DCDC1: variants seen among roughly 807,000 people sequenced by gnomAD.
DCDC1 encodes the protein doublecortin domain containing 1.
In DCDC1, 200 loss-of-function variants were observed where a neutral mutation model predicts 178.3. The observed-to-expected ratio is 1.12, with a 90% CI of 1.00 to 1.26. The LOEUF (loss-of-function observed/expected upper bound fraction) is 1.26, where lower values mean the gene tolerates loss of function less well. Ranked by LOEUF, DCDC1 falls within the 50% of genes most tolerant of loss-of-function variation. The probability of loss-of-function intolerance (pLI) is 0.00; values close to 1 mark genes in which losing one functional copy is unlikely to be tolerated. For missense variants in DCDC1, 1,983 were observed against 1,749.2 expected (o/e 1.13, Z -2.38); for synonymous variants, 690 against 604.8 (o/e 1.14, Z -2.07).
At chr11:31,154,051 G>T (rs1352094973) in intron 9 of DCDC1, among the ~76,000 whole-genome samples, 1 of 152,140 alleles carries the variant, frequency 6.6e-6, no homozygotes, top group African/African-American at 2.4e-5. Flanking sequence ...CTATTCTCAC[G>T]CTAGCGAGTG....
rs773674256 is a variant in DCDC1 at position 30,892,907 on chromosome 11, T to C, written c.4993A>G (p.Lys1665Glu). The C allele has an allele frequency of 2.5e-6, 4 of 1,613,984 alleles. No homozygotes were observed. Among genetic ancestry groups the C allele is most frequent in the Non-Finnish European group, 3.4e-6 (4 of 1,179,862 alleles). ...CACACTCGTTTTGTGTTGGGCTGCTTATACAGGTTGCTCGGCTTGACTGCT... is the reference window on the plus strand; with the variant it reads ...CACACTCGTTTTGTGTTGGGCTGCTCATACAGGTTGCTCGGCTTGACTGCT... ...RIAVKPSNLY[K>E]QPNTKRVWIY... is the part of the protein sequence containing the mutation. Residue 1665 changes from lysine to glutamate, a missense_variant, in exon 36 of 39, where the codon AAG (lysine) becomes GAG (glutamate). Coordinates refer to ENST00000684477, the MANE Select transcript of DCDC1 (RefSeq NM_001387274.1).
At chr11:31,334,554 G>A (rs187155180) in intron 2 of DCDC1, among the ~76,000 whole-genome samples, 7 of 152,302 alleles carry the variant, frequency 4.6e-5, no homozygotes, top group African/African-American at 1.7e-4. Context: ...GTGACCTACA[G>A]ATGGGGTTTT....
intron 20 of DCDC1, among the ~76,000 whole-genome samples, chr11:31,061,513 T>C (rs554290469): frequency 1.3e-4 from 20 of 151,960 alleles, no homozygotes; most frequent in African/African-American, 4.6e-4. Flanking sequence ...CTGTAGTAAA[T>C]TGTGGAGGCA....
rs1364866088 is a variant in DCDC1 at position 30,878,599 on chromosome 11, T to A, written c.5346A>T (p.Ala1782=). The change falls in exon 38 of 39, where the codon GCA becomes GCT. Residue 1782 remains alanine, a synonymous_variant. Coordinates refer to ENST00000684477, the MANE Select transcript of DCDC1 (RefSeq NM_001387274.1). ...VSPSTKLLSL[A]HLHN ...CTGATAGGAGTTAATTGTGGAGATGTGCCAGAGACAGCAGCTTCGTGGATG... is the reference window on the plus strand; with the variant it reads ...CTGATAGGAGTTAATTGTGGAGATGAGCCAGAGACAGCAGCTTCGTGGATG... 6.2e-7 allele frequency: 1 copy of A among 1,603,638 alleles called. No individual in the cohort carries two copies. Among genetic ancestry groups the A allele is most frequent in the Non-Finnish European group, 8.5e-7 (1 of 1,176,636 alleles).
At chr11:31,028,367 C>T (rs1013969548) in intron 20 of DCDC1, among the ~76,000 whole-genome samples, 2 of 151,840 alleles carry the variant, frequency 1.3e-5, no homozygotes, top group Non-Finnish European at 2.9e-5. Flanking sequence ...AATGTCTTCT[C>T]GAAATGTTCA....
intron 2 of DCDC1, among the ~76,000 whole-genome samples, chr11:31,331,694 A>C (rs1325835355): frequency 6.6e-6 from 1 of 152,134 alleles, no homozygotes; most frequent in Non-Finnish European, 1.5e-5. Flanking sequence ...TGATTTGCAT[A>C]TGTTGAACCA....
chr11:31,253,975 T>G (rs1944243718), intron 8 of DCDC1, among the ~76,000 whole-genome samples: 1 of 152,208 alleles, frequency 6.6e-6, no homozygotes, highest in Non-Finnish European at 1.5e-5. Flanking sequence ...GCATGTGACT[T>G]GCTTTGACAT....
chr11:31,012,607 CAAA>C (rs780824791), intron 20 of DCDC1, among the ~76,000 whole-genome samples: 4 of 74,586 alleles, frequency 5.4e-5, no homozygotes, highest in African/African-American at 4.7e-5. Flanking sequence ...CCTGTCTCAA[CAAA>C]AAAAAAAAAA....
chr11:31,204,822 AAAAAC>A (rs1324003629), intron 9 of DCDC1, among the ~76,000 whole-genome samples: 7 of 152,214 alleles, frequency 4.6e-5, no homozygotes, highest in African/African-American at 1.2e-4. Context: ...ACTCCATCTC[AAAAAC>A]AAAACAAAAC....
intron 3 of DCDC1, chr11:31,314,476 G>C (rs1948946221): frequency 6.6e-6 from 1 of 152,066 alleles, no homozygotes; most frequent in African/African-American, 2.4e-5. Flanking sequence ...CCAGAGTCTG[G>C]GCAAAGCTTA....
rs115777695 is a variant in DCDC1, at chr11:30,942,850, G to A, written c.2715+9595C>T. ...AAACCCAATTAAATGAGATTAAAACGTTAACTTGGGTTTCAAAACTTTACA... is the reference window on the plus strand; with the variant it reads ...AAACCCAATTAAATGAGATTAAAACATTAACTTGGGTTTCAAAACTTTACA... On this transcript the variant is annotated intron_variant, in intron 21 of 38. Transcript: ENST00000684477. Among the ~76,000 whole-genome samples the A allele has an allele frequency of 5.9e-3, 895 of 152,246 alleles. 8 individuals carry two copies. The highest frequency in any genetic ancestry group is 0.02 in the African/African-American group (835 of 41,558).
chr11:31,171,877 T>C (rs1398111708), intron 9 of DCDC1, among the ~76,000 whole-genome samples: 1 of 152,234 alleles, frequency 6.6e-6, no homozygotes, highest in Non-Finnish European at 1.5e-5. Context: ...TTGTAGCTCA[T>C]CAAGGTAAGC....
At chr11:30,983,436 G>A (rs968417733) in intron 20 of DCDC1, among the ~76,000 whole-genome samples, 1 of 152,120 alleles carries the variant, frequency 6.6e-6, no homozygotes, top group African/African-American at 2.4e-5. Flanking sequence ...GCATAAAATT[G>A]ACATAGCACT....
intron 9 of DCDC1, among the ~76,000 whole-genome samples, chr11:31,140,706 C>T (rs1318310563): frequency 1.3e-5 from 2 of 151,684 alleles, no homozygotes; most frequent in Admixed American, 1.3e-4. Flanking sequence ...TCTGGTTAGA[C>T]AAACAGAAGA....
intron 20 of DCDC1, among the ~76,000 whole-genome samples, chr11:31,015,167 C>A (rs993680905): frequency 6.6e-6 from 1 of 152,074 alleles, no homozygotes; most frequent in Admixed American, 6.6e-5. Flanking sequence ...CCAGGGTGGT[C>A]TCGATCTCCT....
intron 9 of DCDC1, among the ~76,000 whole-genome samples, chr11:31,185,714 G>T (rs892984581): frequency 1.3e-5 from 2 of 152,186 alleles, no homozygotes; most frequent in African/African-American, 2.4e-5. Context: ...AGTTTTGTTT[G>T]TTGTCAAAGG....
chr11:31,050,051 T>C (rs1474847470), intron 20 of DCDC1, among the ~76,000 whole-genome samples: 1 of 152,116 alleles, frequency 6.6e-6, no homozygotes, highest in Non-Finnish European at 1.5e-5. Context: ...ACTTCACAGG[T>C]AGGGGAAGAA....
chr11:31,327,024 T>C (rs1008316731), intron 3 of DCDC1, among the ~76,000 whole-genome samples: 1 of 152,208 alleles, frequency 6.6e-6, no homozygotes, highest in Non-Finnish European at 1.5e-5. Context: ...TTAGACCCAT[T>C]TGAGTTCATA....
intron 9 of DCDC1, among the ~76,000 whole-genome samples, chr11:31,210,705 C>T (rs1173408467): frequency 1.0e-4 from 14 of 138,568 alleles, no homozygotes; most frequent in Admixed American, 3.7e-4. Flanking sequence ...AGAGAGACTC[C>T]GTCTCAAAAA....
Sources: allele counts gnomAD v4.1 joint callset (sites outside exome capture counted in the v4.1 genomes callset), GRCh38; gene constraint gnomAD v4.1.1; transcripts MANE v1.5; gene names NCBI Gene and HGNC (gene_info 2026-07-23, HGNC 2026-07-21).